The following HIVEP1 variants were observed in gnomAD, a reference collection of about 807,000 sequenced individuals.
HIVEP1 encodes the protein HIVEP zinc finger 1, also known as zinc finger protein 40.
HIVEP1 carries 36 observed loss-of-function variants against 180.0 expected under a neutral mutation model. The ratio of observed to expected loss-of-function variants is 0.20; its 90% CI spans 0.15 to 0.26. The LOEUF is 0.26. Ranked by LOEUF, HIVEP1 falls within the 10% of genes least tolerant of loss-of-function variation. The pLI is 1.00. For synonymous variants in HIVEP1, 1,239 were observed against 1,239.0 expected, an observed-to-expected ratio of 1.00 and a Z score of 0.00; for missense variants, 3,143 against 3,268.7, an observed-to-expected ratio of 0.96 and a Z score of 0.94.
the HIVEP1 span, among the ~76,000 whole-genome samples, chr6:12,181,250 C>T: frequency 2.0e-5 from 3 of 151,860 alleles, no homozygotes; most frequent in African/African-American, 7.3e-5. Context: ...GTCCCAGCTA[C>T]TCGGGAGGCT....
intron 2 of HIVEP1, among the ~76,000 whole-genome samples, chr6:12,028,978 C>CT (rs926537781): frequency 2.0e-5 from 3 of 152,264 alleles, no homozygotes; most frequent in African/African-American, 7.2e-5. Context: ...TTACATGTAG[C>CT]TTTTTTTCAT....
chr6:12,031,948 C>G (rs977215010), intron 2 of HIVEP1, among the ~76,000 whole-genome samples: 1 of 152,152 alleles, frequency 6.6e-6, no homozygotes, highest in African/African-American at 2.4e-5. Flanking sequence ...CTCATAACAT[C>G]AAGTTGCACA....
chr6:12,021,041 C>G (rs1477459821), intron 2 of HIVEP1, among the ~76,000 whole-genome samples: 1 of 152,088 alleles, frequency 6.6e-6, no homozygotes, highest in Non-Finnish European at 1.5e-5. Context: ...TAGGCGCCTG[C>G]CACCACGCAC....
chr6:12,068,618 T>C (rs1771758683), intron 2 of HIVEP1, among the ~76,000 whole-genome samples: 1 of 152,198 alleles, frequency 6.6e-6, no homozygotes, highest in African/African-American at 2.4e-5. Flanking sequence ...TATATTCATA[T>C]ATGTGCACAC....
At chr6:12,017,671 T>A (rs1357615307) in intron 2 of HIVEP1, among the ~76,000 whole-genome samples, 1 of 152,206 alleles carries the variant, frequency 6.6e-6, no homozygotes, top group South Asian at 2.1e-4. Flanking sequence ...AGGGTGCTGA[T>A]TGGTGTGTTT....
chr6:12,120,959 G>A lies in HIVEP1; in HGVS notation c.1164G>A (p.Glu388=). ...CCTCTGTTGTTAATCAAAGCGTAGAGCAAATGTGCAATCTTCTTCTGAAAG... is the reference window on the plus strand; with the variant it reads ...CCTCTGTTGTTAATCAAAGCGTAGAACAAATGTGCAATCTTCTTCTGAAAG... ...HVASVVNQSV[E]QMCNLLLKDQ... Residue 388 remains glutamate (E), a synonymous_variant, in exon 4 of 9, where the codon GAG becomes GAA. Coordinates refer to ENST00000379388, the MANE Select transcript of HIVEP1 (RefSeq NM_002114.4). 6.2e-7 allele frequency: 1 copy of A among 1,614,090 alleles called. No individual in the cohort carries two copies. Among genetic ancestry groups the A allele is most frequent in the Non-Finnish European group, 8.5e-7 (1 of 1,179,988 alleles).
intron 2 of HIVEP1, chr6:12,039,007 G>A (rs1769490754): frequency 6.6e-6 from 1 of 152,156 alleles, no homozygotes; most frequent in Admixed American, 6.5e-5. Context: ...TAGAATGAAT[G>A]TTGTTACCCC....
intron 2 of HIVEP1, among the ~76,000 whole-genome samples, chr6:12,047,099 T>C (rs1260805115): frequency 6.6e-6 from 1 of 152,068 alleles, no homozygotes; most frequent in African/African-American, 2.4e-5. Flanking sequence ...GACCTTGTGA[T>C]CTACCAGCCT....
At chr6:12,037,816 C>A in intron 2 of HIVEP1, 1 of 430,042 alleles carries the variant, frequency 2.3e-6, no homozygotes, top group South Asian at 6.5e-5. Flanking sequence ...AGGCTTGTCC[C>A]CTTCCTGCTT....
rs1292117105 is a variant in HIVEP1, at chr6:12,122,867, G to A, written c.3072G>A (p.Gln1024=). Residue 1024 remains glutamine, a synonymous_variant, in exon 4 of 9, where the codon CAG becomes CAA. Transcript: ENST00000379388. ...CTGGGTCCTCCGGCATCTGGGAACA[G>A]ACGCCCCAGATAAGAAAAAGGAGGA... is the stretch of plus-strand genomic sequence containing the variant. The part of the protein sequence containing the change: ...RVAGSSGIWE[Q]TPQIRKRRKM... The A allele has an allele frequency of 1.2e-6, 2 of 1,613,994 alleles. No individual in the cohort carries two copies. Among genetic ancestry groups the A allele is most frequent in the Admixed American group, 1.7e-5 (1 of 59,998 alleles).
intron 2 of HIVEP1, among the ~76,000 whole-genome samples, chr6:12,078,110 C>T (rs554513315): frequency 2.6e-5 from 4 of 152,290 alleles, no homozygotes; most frequent in Admixed American, 6.5e-5. Flanking sequence ...TGAATAGTGA[C>T]TGTAGGATTA....
intron 2 of HIVEP1, among the ~76,000 whole-genome samples, chr6:12,076,555 G>T (rs947836182): frequency 2.0e-5 from 3 of 152,168 alleles, no homozygotes; most frequent in Non-Finnish European, 4.4e-5. Flanking sequence ...TCTTCACATG[G>T]AGGAAGGCAG....
At chr6:12,087,238 T>G (rs1434697866) in intron 2 of HIVEP1, among the ~76,000 whole-genome samples, 4 of 152,104 alleles carry the variant, frequency 2.6e-5, no homozygotes, top group Admixed American at 2.6e-4. Flanking sequence ...GTTATTTTTG[T>G]AAGAGTTTTG....
rs527949400 is a variant in HIVEP1 at position 12,068,947 on chromosome 6, T to C, written c.41-20237T>C. On this transcript the variant is annotated intron_variant, in intron 2 of 8. Coordinates refer to ENST00000379388, the MANE Select transcript of HIVEP1 (RefSeq NM_002114.4). ...CTTATTATCAGCCTTACCAATTTCTTGTCACTTTCCCCAGAAATGCAGCTA... is the reference window on the plus strand; with the variant it reads ...CTTATTATCAGCCTTACCAATTTCTCGTCACTTTCCCCAGAAATGCAGCTA... Among the ~76,000 whole-genome samples the C allele has an allele frequency of 2.0e-5, 3 of 152,378 alleles. No individual in the cohort carries two copies. In the East Asian group the frequency reaches 5.8e-4, roughly 29 times the overall value.
At chr6:12,011,981 C>G (rs1275743510), upstream of HIVEP1, 2 of 147,074 alleles carry the variant, frequency 1.4e-5, no homozygotes, top group African/African-American at 2.5e-5. Flanking sequence ...CTGCCTCCCC[C>G]GCGCCGCCCG....
chr6:12,150,183 A>G (rs1759620176), intron 7 of HIVEP1, among the ~76,000 whole-genome samples: 3 of 152,236 alleles, frequency 2.0e-5, no homozygotes, highest in Non-Finnish European at 4.4e-5. Flanking sequence ...TTCTTGCCAT[A>G]AAACATGATA....
intron 3 of HIVEP1, among the ~76,000 whole-genome samples, chr6:12,118,001 C>T (rs1035628957): frequency 3.3e-5 from 5 of 152,246 alleles, no homozygotes; most frequent in African/African-American, 1.2e-4. Context: ...AAGGGAAAAC[C>T]AGTGGGAAAA....
chr6:12,060,623 T>C (rs1771164076), intron 2 of HIVEP1, among the ~76,000 whole-genome samples: 1 of 152,216 alleles, frequency 6.6e-6, no homozygotes, highest in South Asian at 2.1e-4. Context: ...TAAAGGACTC[T>C]TATCTCAAAT....
intron 2 of HIVEP1, among the ~76,000 whole-genome samples, chr6:12,028,437 T>C (rs1226346756): frequency 6.6e-6 from 1 of 152,260 alleles, no homozygotes; most frequent in South Asian, 2.1e-4. Flanking sequence ...TGTAAGGAGA[T>C]GTATGACTGC....
Sources: gnomAD v4.1 joint callset for allele counts (sites outside exome capture counted in the v4.1 genomes callset) on GRCh38, gnomAD v4.1.1 for gene constraint, MANE v1.5 for transcripts, NCBI Gene and HGNC (gene_info 2026-07-23, HGNC 2026-07-21) for gene names.